The following CACNB2 variants were observed in gnomAD, a reference collection of about 807,000 sequenced individuals.
The protein encoded by CACNB2 is voltage-dependent L-type calcium channel subunit beta-2.
A neutral mutation model predicts 73.3 loss-of-function variants in CACNB2; 42 were observed. The ratio of observed to expected loss-of-function variants is 0.57; its 90% CI spans 0.45 to 0.74. The LOEUF is 0.74. CACNB2 is among the 30% of genes least tolerant of loss of function. The pLI, the probability that CACNB2 is intolerant of heterozygous loss-of-function variation, is 0.00. For missense variants in CACNB2, 940 were observed against 853.0 expected (o/e 1.10, Z -1.27); for synonymous variants, 348 against 310.3 (o/e 1.12, Z -1.28).
chr10:18,414,226 T>G (rs1478358027), intron 3 of CACNB2, among the ~76,000 whole-genome samples: 1 of 152,238 alleles, frequency 6.6e-6, no homozygotes, highest in African/African-American at 2.4e-5. Flanking sequence ...TGAGATGTGC[T>G]TTCTGCCTCT....
chr10:18,270,452 T>C (rs975904656), intron 2 of CACNB2, among the ~76,000 whole-genome samples: 6 of 152,156 alleles, frequency 3.9e-5, no homozygotes, highest in African/African-American at 1.4e-4. Context: ...GGAACTGCCA[T>C]TGTGATTTTT....
chr10:18,248,344 G>A (rs1048993839), intron 2 of CACNB2, among the ~76,000 whole-genome samples: 3 of 152,158 alleles, frequency 2.0e-5, no homozygotes, highest in Non-Finnish European at 4.4e-5. Context: ...TGATTCATAA[G>A]TAAGAATAAT....
rs78417678 is a variant in CACNB2, at chr10:18,457,178, C to T, written c.334-41177C>T. On this transcript the variant is annotated intron_variant, in intron 3 of 13. Transcript: ENST00000324631. ...CAGTCATGGTTCACTGCAGGCTCAA[C>T]CTCCTGGGGCTGCGTGATCCTCCTG... 7.3e-3 allele frequency among the ~76,000 whole-genome samples: 1,119 copies of T among 152,266 alleles called. 22 individuals are homozygous for T. Among genetic ancestry groups the T allele is most frequent in the African/African-American group, 0.025 (1,044 of 41,548 alleles).
chr10:18,527,925 T>G (rs1449810670), intron 10 of CACNB2, among the ~76,000 whole-genome samples: 1 of 152,228 alleles, frequency 6.6e-6, no homozygotes, highest in African/African-American at 2.4e-5. Flanking sequence ...GTTTTGGTTG[T>G]GGTTTGTTTT....
chr10:18,340,600 T>G (rs1489522116), intron 2 of CACNB2: 1 of 1,005,582 alleles, frequency 9.9e-7, no homozygotes, highest in African/African-American at 1.7e-5. Context: ...TTACTGTACT[T>G]TGACAAGTTT....
intron 2 of CACNB2, among the ~76,000 whole-genome samples, chr10:18,203,664 G>T (rs1033633755): frequency 1.3e-5 from 2 of 152,094 alleles, no homozygotes; most frequent in African/African-American, 4.8e-5. Flanking sequence ...TATTTTAGCG[G>T]AGGCTGTAGA....
chr10:18,309,722 G>T (rs1447061651), intron 2 of CACNB2, among the ~76,000 whole-genome samples: 5 of 152,138 alleles, frequency 3.3e-5, no homozygotes, highest in African/African-American at 9.7e-5. Flanking sequence ...CTCCCAAAGT[G>T]CTGGGATTAC....
chr10:18,208,928 G>C (rs1232429860), intron 2 of CACNB2, among the ~76,000 whole-genome samples: 1 of 152,162 alleles, frequency 6.6e-6, no homozygotes, highest in Admixed American at 6.5e-5. Context: ...GAGTTCTTCT[G>C]GTGGGATTCT....
intron 1 of CACNB2, among the ~76,000 whole-genome samples, chr10:18,147,628 A>G (rs955687950): frequency 4.6e-5 from 7 of 152,340 alleles, no homozygotes; most frequent in African/African-American, 1.7e-4. Flanking sequence ...GCGTTCATAT[A>G]TTTTAATGCT....
At chr10:18,303,626 C>A (rs750263445) in intron 2 of CACNB2, among the ~76,000 whole-genome samples, 1 of 152,168 alleles carries the variant, frequency 6.6e-6, no homozygotes, top group Non-Finnish European at 1.5e-5. Flanking sequence ...CTGTGCAACC[C>A]GTATGAAGGC....
At chr10:18,337,111 CTCT>C (rs2041037216) in intron 2 of CACNB2, among the ~76,000 whole-genome samples, 1 of 151,626 alleles carries the variant, frequency 6.6e-6, no homozygotes. Context: ...CTTTTCTTTT[CTCT>C]TCTTTCTTCT....
chr10:18,161,505 C>G (rs973152656), intron 2 of CACNB2, among the ~76,000 whole-genome samples: 2 of 151,966 alleles, frequency 1.3e-5, no homozygotes, highest in Non-Finnish European at 2.9e-5. Context: ...GGTCTTCTTT[C>G]TCTTGTAGGT....
At chr10:18,410,898 G>A (rs1330698663) in intron 3 of CACNB2, among the ~76,000 whole-genome samples, 2 of 151,984 alleles carry the variant, frequency 1.3e-5, no homozygotes, top group African/African-American at 2.4e-5. Context: ...GAGAATCACT[G>A]GAACCCAGGA....
chr10:18,444,561 A>G (rs1197388304), intron 3 of CACNB2, among the ~76,000 whole-genome samples: 1 of 152,094 alleles, frequency 6.6e-6, no homozygotes, highest in Non-Finnish European at 1.5e-5. Context: ...CAGTGGGGAG[A>G]CTGTGAAGTC....
chr10:18,304,884 A>G (rs541427618), intron 2 of CACNB2, among the ~76,000 whole-genome samples: 11 of 152,336 alleles, frequency 7.2e-5, no homozygotes, highest in African/African-American at 2.4e-4. Flanking sequence ...CATGCTGTAC[A>G]TTTCAATCCC....
chr10:18,197,063 A>G lies in CACNB2; in HGVS notation c.213+46088A>G, dbSNP rs149354474. Reference sequence around the variant, plus strand: ...CTCTCATTCTCTCTCTTCACTCCCCATAGGGAACCTCATTATGCCTCTTAG... The same window carrying G: ...CTCTCATTCTCTCTCTTCACTCCCCGTAGGGAACCTCATTATGCCTCTTAG... On this transcript the variant is annotated intron_variant, in intron 2 of 13. Transcript: ENST00000324631. 1.5e-3 allele frequency among the ~76,000 whole-genome samples: 229 copies of G among 150,670 alleles called. 1 individual carries two copies. The highest frequency in any genetic ancestry group is 5.4e-3 in the African/African-American group (221 of 40,898).
At chr10:18,256,470 A>G (rs769341423) in intron 2 of CACNB2, 10 of 152,162 alleles carry the variant, frequency 6.6e-5, no homozygotes, top group African/African-American at 1.2e-4. Context: ...TTCAATTCTA[A>G]ACTCTTTGCT....
chr10:18,222,766 G>C (rs932860670), intron 2 of CACNB2, among the ~76,000 whole-genome samples: 6 of 152,068 alleles, frequency 3.9e-5, no homozygotes, highest in Non-Finnish European at 2.9e-5. Flanking sequence ...GTAAAACCCT[G>C]TCTCTACTAA....
chr10:18,400,882 A>G, intron 2 of CACNB2: 1 of 1,529,258 alleles, frequency 6.5e-7, no homozygotes, highest in Non-Finnish European at 8.8e-7. Flanking sequence ...TGGGGCAGGG[A>G]GTGAAAGCCC....
Sources: gnomAD v4.1 joint callset for allele counts (sites outside exome capture counted in the v4.1 genomes callset) on GRCh38, gnomAD v4.1.1 for gene constraint, MANE v1.5 for transcripts, NCBI Gene and HGNC (gene_info 2026-07-23, HGNC 2026-07-21) for gene names.